The following TMEM132C variants were observed in gnomAD, a reference collection of about 807,000 sequenced individuals.
The protein encoded by TMEM132C is transmembrane protein 132C.
TMEM132C carries 29 observed loss-of-function variants against 61.4 expected under a neutral mutation model. The observed-to-expected ratio is 0.47, with a 90% CI of 0.35 to 0.64. TMEM132C has a LOEUF of 0.64. Among genes scored for constraint, TMEM132C ranks in the 30% least tolerant of loss-of-function variants. TMEM132C has a pLI of 0.00. For synonymous variants in TMEM132C, 656 were observed against 633.1 expected (o/e 1.04, Z -0.54); for missense variants, 1,408 against 1,476.9 (o/e 0.95, Z 0.76).
intron 1 of TMEM132C, among the ~76,000 whole-genome samples, chr12:128,319,787 C>T (rs1157721024): frequency 6.6e-6 from 1 of 151,176 alleles, no homozygotes; most frequent in Non-Finnish European, 1.5e-5. Flanking sequence ...GATTGCGCCA[C>T]TGCACTCCAG....
intron 4 of TMEM132C, among the ~76,000 whole-genome samples, chr12:128,667,048 C>T (rs1388293348): frequency 9.2e-5 from 14 of 152,090 alleles, no homozygotes; most frequent in African/African-American, 1.9e-4. Context: ...CCAGCCTGGG[C>T]GACAGAGCAA....
intron 4 of TMEM132C, among the ~76,000 whole-genome samples, chr12:128,624,543 CAAAAAA>C (rs752979852): frequency 1.2e-3 from 40 of 32,904 alleles, no homozygotes; most frequent in African/African-American, 3.6e-3. Context: ...GACTCCATCT[CAAAAAA>C]AAAAAAAAAA....
intron 8 of TMEM132C, among the ~76,000 whole-genome samples, chr12:128,702,425 CTGT>C (rs1281124856): frequency 6.6e-6 from 1 of 151,638 alleles, no homozygotes; most frequent in Non-Finnish European, 1.5e-5. Flanking sequence ...ATTTCATAGA[CTGT>C]TGTTTTTTGT....
At chr12:128,702,112 C>A (rs1040637032) in intron 8 of TMEM132C, among the ~76,000 whole-genome samples, 18 of 152,034 alleles carry the variant, frequency 1.2e-4, no homozygotes, top group Admixed American at 1.1e-3. Flanking sequence ...GTTGGCCAGG[C>A]TGGTCTTGAA....
chr12:128,462,563 C>T (rs549421808), intron 2 of TMEM132C, among the ~76,000 whole-genome samples: 11 of 152,180 alleles, frequency 7.2e-5, no homozygotes, highest in Non-Finnish European at 1.2e-4. Context: ...AACTTCACCA[C>T]GGTGAAGACA....
chr12:128,375,188 C>T (rs1874156351), intron 1 of TMEM132C, among the ~76,000 whole-genome samples: 1 of 152,022 alleles, frequency 6.6e-6, no homozygotes, highest in South Asian at 2.1e-4. Flanking sequence ...GGTTGAAAAG[C>T]AACCAGGCTG....
chr12:128,612,478 A>G (rs1876667931), intron 3 of TMEM132C, among the ~76,000 whole-genome samples: 1 of 152,194 alleles, frequency 6.6e-6, no homozygotes, highest in Non-Finnish European at 1.5e-5. Flanking sequence ...GAGCTACAGA[A>G]TGTTCCAAAC....
chr12:128,359,546 A>C (rs540684921), intron 1 of TMEM132C, among the ~76,000 whole-genome samples: 2 of 152,162 alleles, frequency 1.3e-5, no homozygotes, highest in African/African-American at 2.4e-5. Context: ...AAGACTTTCC[A>C]CTTGTTATTT....
At chr12:128,473,235 T>TC (rs1871014891) in intron 2 of TMEM132C, among the ~76,000 whole-genome samples, 1 of 11,864 alleles carries the variant, frequency 8.4e-5, no homozygotes, top group Non-Finnish European at 1.5e-4. Context: ...TCTTTGTCCT[T>TC]ACTCCAGCGT....
intron 4 of TMEM132C, among the ~76,000 whole-genome samples, chr12:128,632,616 AAC>A (rs1326019366): frequency 2.0e-5 from 3 of 152,218 alleles, no homozygotes; most frequent in Non-Finnish European, 2.9e-5. Flanking sequence ...ATGGGAAGAT[AAC>A]AGAGTAGGAG....
chr12:128,330,768 C>G (rs951064563), intron 1 of TMEM132C, among the ~76,000 whole-genome samples: 13 of 151,874 alleles, frequency 8.6e-5, no homozygotes, highest in Non-Finnish European at 1.8e-4. Context: ...TAGTTTTAAC[C>G]AAAAATAGAA....
At chr12:128,385,618 G>A in intron 1 of TMEM132C, among the ~76,000 whole-genome samples, 1 of 152,202 alleles carries the variant, frequency 6.6e-6, no homozygotes. Context: ...CTTTATACAG[G>A]ATACGTTAAA....
chr12:128,459,884 CAAAAAAAAAAAAA>C (rs71069569), intron 2 of TMEM132C, among the ~76,000 whole-genome samples: 6 of 82,186 alleles, frequency 7.3e-5, no homozygotes, highest in African/African-American at 2.6e-4. Flanking sequence ...GACTCTGTCT[CAAAAAAAAAAAAA>C]AAAAAAAAAG....
At chr12:128,565,267 A>C (rs373444272) in intron 3 of TMEM132C, among the ~76,000 whole-genome samples, 1 of 152,194 alleles carries the variant, frequency 6.6e-6, no homozygotes, top group Non-Finnish European at 1.5e-5. Context: ...TCCTTCTCCA[A>C]CTATGCCTTC....
chr12:128,430,088 A>G (rs1869334902), intron 2 of TMEM132C, among the ~76,000 whole-genome samples: 1 of 152,220 alleles, frequency 6.6e-6, no homozygotes, highest in Admixed American at 6.5e-5. Flanking sequence ...AGCGAGCTAC[A>G]GAGTCTCCAG....
intron 3 of TMEM132C, among the ~76,000 whole-genome samples, chr12:128,550,422 G>T (rs113812680): frequency 4.0e-5 from 6 of 151,816 alleles, no homozygotes; most frequent in African/African-American, 9.7e-5. Context: ...CCTCTCAAGC[G>T]ATCCGCCAAG....
At chr12:128,489,813 C>A (rs1248332026) in intron 2 of TMEM132C, among the ~76,000 whole-genome samples, 1 of 151,988 alleles carries the variant, frequency 6.6e-6, no homozygotes. Context: ...GTTTCATGAG[C>A]GTCCTTCTAT....
chr12:128,318,481 GAACA>G (rs1316283578), intron 1 of TMEM132C, among the ~76,000 whole-genome samples: 1 of 152,172 alleles, frequency 6.6e-6, no homozygotes, highest in Non-Finnish European at 1.5e-5. Context: ...TTTTGCACGA[GAACA>G]ACAGGGGTCA....
intron 1 of TMEM132C, among the ~76,000 whole-genome samples, chr12:128,403,244 C>A (rs558816118): frequency 6.6e-6 from 1 of 152,304 alleles, no homozygotes; most frequent in African/African-American, 2.4e-5. Context: ...AAAAAATATT[C>A]AGGCTTGCTT....
Sources: allele counts gnomAD v4.1 joint callset (sites outside exome capture counted in the v4.1 genomes callset), GRCh38; gene constraint gnomAD v4.1.1; transcripts MANE v1.5; gene names NCBI Gene and HGNC (gene_info 2026-07-23, HGNC 2026-07-21).